The following ANKFN1 variants were observed in gnomAD, a reference collection of about 807,000 sequenced individuals.
The protein encoded by ANKFN1 is ankyrin repeat and fibronectin type-III domain-containing protein 1.
ANKFN1 carries 74 observed loss-of-function variants against 108.7 expected under a neutral mutation model. The ratio of observed to expected loss-of-function variants is 0.68; its 90% CI spans 0.56 to 0.83. The LOEUF (loss-of-function observed/expected upper bound fraction) is 0.83, where lower values mean the gene tolerates loss of function less well. Among genes scored for constraint, ANKFN1 ranks in the 40% least tolerant of loss-of-function variants. The pLI is 0.00. For synonymous variants in ANKFN1, 547 were observed against 516.2 expected (o/e 1.06, Z -0.81); for missense variants, 1,505 against 1,382.3 (o/e 1.09, Z -1.41).
At chr17:56,195,793 G>A (rs1481776439) in intron 1 of ANKFN1, among the ~76,000 whole-genome samples, 1 of 151,958 alleles carries the variant, frequency 6.6e-6, no homozygotes. Flanking sequence ...CCATAACAGG[G>A]CATGTATCTT....
chr17:56,255,236 G>A (rs928503359), intron 3 of ANKFN1, among the ~76,000 whole-genome samples: 4 of 152,152 alleles, frequency 2.6e-5, no homozygotes, highest in African/African-American at 9.7e-5. Flanking sequence ...TGAACCAGGG[G>A]CCCTCAAATA....
At chr17:56,071,287 C>G (rs1048599148) in intron 4 of ANKFN1, among the ~76,000 whole-genome samples, 1 of 152,082 alleles carries the variant, frequency 6.6e-6, no homozygotes, top group Non-Finnish European at 1.5e-5. Flanking sequence ...CTGTATTTAC[C>G]AGGAAAGTTC....
At chr17:56,356,318 G>A (rs551100280) in intron 6 of ANKFN1, among the ~76,000 whole-genome samples, 1 of 152,240 alleles carries the variant, frequency 6.6e-6, no homozygotes, top group South Asian at 2.1e-4. Context: ...GTGAGCCACT[G>A]TTTTTATGTT....
intron 3 of ANKFN1, among the ~76,000 whole-genome samples, chr17:56,265,263 G>A (rs138419738): frequency 5.3e-5 from 8 of 152,246 alleles, no homozygotes; most frequent in Admixed American, 3.9e-4. Context: ...GTTTCACAAG[G>A]CTGGAGAGGA....
At chr17:56,207,325 G>A (rs1914621864) in intron 1 of ANKFN1, among the ~76,000 whole-genome samples, 1 of 152,184 alleles carries the variant, frequency 6.6e-6, no homozygotes, top group Admixed American at 6.5e-5. Context: ...CTCTTCAGGT[G>A]ATCCTAATGC....
At chr17:56,293,900 T>A (rs2044437093) in intron 3 of ANKFN1, among the ~76,000 whole-genome samples, 2 of 152,136 alleles carry the variant, frequency 1.3e-5, no homozygotes, top group Non-Finnish European at 1.5e-5. Flanking sequence ...AGGGAACAGA[T>A]CTGGAATGCA....
chr17:56,155,186 G>A (rs1352497262), intron 1 of ANKFN1, among the ~76,000 whole-genome samples: 1 of 152,144 alleles, frequency 6.6e-6, no homozygotes. Flanking sequence ...GGACCTTAGA[G>A]GACTCCTCAG....
Position 56,510,666 on chromosome 17 carries a change from A to C in ANKFN1, c.2838A>C (p.Lys946Asn). Residue 946 changes from lysine to asparagine, a missense_variant, in exon 21 of 21, where the codon AAA (lysine) becomes AAC (asparagine). Transcript: ENST00000682825. ...APDVLQVHDV[K>N]TPLGPGQDPQ... The stretch of plus-strand genomic sequence containing the variant: ...ACGTCCTGCAAGTGCACGACGTGAA[A>C]ACCCCTCTGGGGCCGGGCCAGGATC... 6.5e-7 allele frequency: 1 copy of C among 1,536,172 alleles called. No homozygotes were observed. Among genetic ancestry groups the C allele is most frequent in the Non-Finnish European group, 8.7e-7 (1 of 1,146,916 alleles).
At chr17:56,062,764 T>A (rs761983736) in intron 4 of ANKFN1, among the ~76,000 whole-genome samples, 1 of 152,176 alleles carries the variant, frequency 6.6e-6, no homozygotes, top group Non-Finnish European at 1.5e-5. Flanking sequence ...TTTGGTCCTG[T>A]CATCATGATG....
intron 3 of ANKFN1, among the ~76,000 whole-genome samples, chr17:56,313,781 AT>A (rs2045114783): frequency 6.6e-6 from 1 of 152,182 alleles, no homozygotes; most frequent in African/African-American, 2.4e-5. Context: ...ATTAATTATA[AT>A]TTGCATAAAA....
intron 4 of ANKFN1, among the ~76,000 whole-genome samples, chr17:56,114,341 A>G (rs1906143575): frequency 6.6e-6 from 1 of 152,242 alleles, no homozygotes; most frequent in Non-Finnish European, 1.5e-5. Flanking sequence ...CACAGAACAG[A>G]AAGTACAAAT....
At chr17:56,229,645 G>C (rs1190289474) in intron 3 of ANKFN1, among the ~76,000 whole-genome samples, 1 of 104,540 alleles carries the variant, frequency 9.6e-6, no homozygotes, top group African/African-American at 3.9e-5. Flanking sequence ...GAAAGCACCC[G>C]TTACCTTTCA....
intron 3 of ANKFN1, among the ~76,000 whole-genome samples, chr17:56,260,975 T>G (rs2043495857): frequency 6.6e-6 from 1 of 152,232 alleles, no homozygotes; most frequent in South Asian, 2.1e-4. Flanking sequence ...TTTGTTCTCC[T>G]AGATAAACAT....
chr17:56,186,797 G>A (rs552649322), intron 1 of ANKFN1, among the ~76,000 whole-genome samples: 94 of 152,256 alleles, frequency 6.2e-4, no homozygotes, highest in African/African-American at 2.2e-3. Context: ...GTTAAAAATC[G>A]CACGGGGCTG....
intron 3 of ANKFN1, among the ~76,000 whole-genome samples, chr17:56,276,303 A>T (rs1200535415): frequency 6.6e-6 from 1 of 152,218 alleles, no homozygotes; most frequent in East Asian, 1.9e-4. Context: ...TATTGTGAAT[A>T]GTGCTGCAAT....
intron 4 of ANKFN1, among the ~76,000 whole-genome samples, chr17:56,331,155 C>T (rs978711945): frequency 5.3e-5 from 8 of 152,170 alleles, no homozygotes; most frequent in African/African-American, 1.7e-4. Context: ...TTTTAGAAGC[C>T]AATTGCTTCT....
chr17:56,383,722 A>G (rs552800537), intron 8 of ANKFN1, among the ~76,000 whole-genome samples: 275 of 152,376 alleles, frequency 1.8e-3, no homozygotes, highest in African/African-American at 4.6e-3. Context: ...ATAAACTAGA[A>G]AATCCAGAAG....
intron 4 of ANKFN1, among the ~76,000 whole-genome samples, chr17:56,083,272 C>G (rs546260934): frequency 6.6e-6 from 1 of 151,444 alleles, no homozygotes; most frequent in East Asian, 1.9e-4. Context: ...GAAACTGAAG[C>G]CTACACACTG....
At chr17:56,206,629 TTCAGTTTC>T (rs1193671541) in intron 1 of ANKFN1, 1 of 152,170 alleles carries the variant, frequency 6.6e-6, no homozygotes, top group Non-Finnish European at 1.5e-5. Flanking sequence ...TGTTTTTGGT[TTCAGTTTC>T]GTAAGAATGC....
Sources: allele counts gnomAD v4.1 joint callset (sites outside exome capture counted in the v4.1 genomes callset), GRCh38; gene constraint gnomAD v4.1.1; transcripts MANE v1.5; gene names NCBI Gene and HGNC (gene_info 2026-07-23, HGNC 2026-07-21).